Variants in SIPA1L3 observed in about 807,000 individuals in gnomAD.
SIPA1L3 encodes signal-induced proliferation-associated 1-like protein 3.
A neutral mutation model predicts 150.1 loss-of-function variants in SIPA1L3; 59 were observed. The ratio of observed to expected loss-of-function variants is 0.39; its 90% confidence interval spans 0.32 to 0.49. SIPA1L3 has a LOEUF of 0.49. Among genes scored for constraint, SIPA1L3 ranks in the 20% least tolerant of loss-of-function variants. SIPA1L3 has a pLI of 0.86. For missense variants in SIPA1L3, 2,211 were observed against 2,489.5 expected (o/e 0.89, Z 2.38); for synonymous variants, 1,070 against 1,077.6 (o/e 0.99, Z 0.14).
intron 2 of SIPA1L3, among the ~76,000 whole-genome samples, chr19:38,034,291 A>G (rs1599932734): frequency 6.6e-6 from 1 of 151,882 alleles, no homozygotes; most frequent in Non-Finnish European, 1.5e-5. Context: ...ATGGGTGCTG[A>G]CTCTGTGCCA....
intron 1 of SIPA1L3, among the ~76,000 whole-genome samples, chr19:37,913,907 C>T (rs368887937): frequency 2.0e-5 from 3 of 150,222 alleles, no homozygotes; most frequent in Non-Finnish European, 3.0e-5. Context: ...CCCAGTTACT[C>T]GGGAGGCTGA....
rs374520821 is a variant in SIPA1L3 at position 38,142,719 on chromosome 19, C to T, written c.3533+9C>T. 80 of 1,609,166 alleles carry T rather than the reference C, an allele frequency of 5.0e-5. No individual in the cohort carries two copies. Among genetic ancestry groups the T allele is most frequent in the Non-Finnish European group, 6.6e-5 (78 of 1,176,680 alleles). ...AAGCCATCCCCAGAAAGGTCAGCCT[C>T]CCTCAATTCTTTTCATGTTAAGGGA... On this transcript the variant is annotated intron_variant, in intron 12 of 21. Transcript: ENST00000222345.
chr19:38,135,654 G>A (rs939532098), intron 10 of SIPA1L3, among the ~76,000 whole-genome samples: 4 of 152,182 alleles, frequency 2.6e-5, no homozygotes, highest in African/African-American at 9.7e-5. Flanking sequence ...AGACAGAGGA[G>A]TTCTTCTCCC....
At chr19:38,027,901 C>T (rs925547470) in intron 1 of SIPA1L3, among the ~76,000 whole-genome samples, 2 of 152,084 alleles carry the variant, frequency 1.3e-5, no homozygotes, top group African/African-American at 2.4e-5. Context: ...GTTTCCTCAT[C>T]TGTAACATGA....
At chr19:38,083,712 C>T (rs559777741) in intron 3 of SIPA1L3, among the ~76,000 whole-genome samples, 6 of 152,114 alleles carry the variant, frequency 3.9e-5, no homozygotes, top group Non-Finnish European at 8.8e-5. Context: ...TTGGAACTGC[C>T]CGGCGCAGTG....
intron 8 of SIPA1L3, among the ~76,000 whole-genome samples, chr19:38,113,606 CA>C (rs539664508): frequency 2.9e-4 from 42 of 143,006 alleles, no homozygotes; most frequent in East Asian, 4.1e-4. Flanking sequence ...AAGACTCTCT[CA>C]AAAAAAAAAA....
At chr19:38,157,490 C>CCACCCACAACCCCT (rs1478624894) in intron 13 of SIPA1L3, among the ~76,000 whole-genome samples, 1 of 152,210 alleles carries the variant, frequency 6.6e-6, no homozygotes, top group African/African-American at 2.4e-5. Flanking sequence ...TCCATAAGCT[C>CCACCCACAACCCCT]CACCCACAAC....
At chr19:38,108,504 G>A (rs1443806920) in intron 7 of SIPA1L3, 1 of 152,196 alleles carries the variant, frequency 6.6e-6, no homozygotes, top group East Asian at 1.9e-4. Context: ...CTGCTTTAGC[G>A]ATTTGATTTA....
At chr19:38,192,002 C>T in intron 16 of SIPA1L3, 143 bp from the exon 17 acceptor site, 1 of 700,858 alleles carries the variant, frequency 1.4e-6, no homozygotes, top group Non-Finnish European at 2.3e-6. Context: ...AGCCAAGCCC[C>T]TCTCTGCCAC....
chr19:38,021,530 AGAT>A (rs1310214006), intron 1 of SIPA1L3, among the ~76,000 whole-genome samples: 1 of 150,624 alleles, frequency 6.6e-6, no homozygotes, highest in Non-Finnish European at 1.5e-5. Context: ...AATGACTGTT[AGAT>A]GAGTCTGATC....
At chr19:38,168,764 G>A (rs1047509392) in intron 15 of SIPA1L3, among the ~76,000 whole-genome samples, 26 of 152,182 alleles carry the variant, frequency 1.7e-4, no homozygotes, top group Non-Finnish European at 4.4e-5. Flanking sequence ...CAATGAAATG[G>A]GAGAGGAGCC....
intron 1 of SIPA1L3, among the ~76,000 whole-genome samples, chr19:38,010,523 C>T (rs1036632965): frequency 6.6e-6 from 1 of 151,900 alleles, no homozygotes; most frequent in African/African-American, 2.4e-5. Flanking sequence ...CCAGCCTGGC[C>T]AACATGGCGA....
chr19:38,108,187 G>A (rs370281955), intron 7 of SIPA1L3, among the ~76,000 whole-genome samples: 14 of 152,082 alleles, frequency 9.2e-5, no homozygotes, highest in East Asian at 5.8e-4. Flanking sequence ...TGCGGCAACC[G>A]GAGCGTGACA....
Position 38,182,600 on chromosome 19 carries a change from C to T in SIPA1L3, c.4290C>T (p.Ala1430=). Residue 1430 remains alanine (A), a synonymous_variant, in exon 16 of 22, where the codon GCC becomes GCT. Coordinates refer to ENST00000222345, the MANE Select transcript of SIPA1L3 (RefSeq NM_015073.3). ...AGACTCCTCGGCCCTCCCAGCTGGC[C>T]CAGCCCAGCCCCTTTCAGCTCTCCG... ...SAETPRPSQL[A]QPSPFQLSAS... 6.2e-7 allele frequency: 1 copy of T among 1,614,178 alleles called. No homozygotes were observed. The highest frequency in any genetic ancestry group is 8.5e-7 in the Non-Finnish European group (1 of 1,180,024).
intron 13 of SIPA1L3, among the ~76,000 whole-genome samples, chr19:38,156,544 G>A (rs1047228044): frequency 1.3e-5 from 2 of 148,428 alleles, no homozygotes; most frequent in Non-Finnish European, 3.0e-5. Flanking sequence ...TCATCATGAG[G>A]CTGGGCGCAG....
chr19:38,010,893 A>C (rs1011686832), intron 1 of SIPA1L3, among the ~76,000 whole-genome samples: 1 of 152,182 alleles, frequency 6.6e-6, no homozygotes, highest in Non-Finnish European at 1.5e-5. Flanking sequence ...GTGAGTATTC[A>C]TCAAGATTGT....
intron 10 of SIPA1L3, among the ~76,000 whole-genome samples, chr19:38,134,765 C>T (rs986817410): frequency 1.2e-4 from 18 of 148,536 alleles, no homozygotes; most frequent in African/African-American, 2.7e-4. Flanking sequence ...CTATAGGAGG[C>T]GCTCGAGAGA....
intron 1 of SIPA1L3, among the ~76,000 whole-genome samples, chr19:37,919,727 T>TG (rs2046442240): frequency 6.8e-6 from 1 of 146,962 alleles, no homozygotes; most frequent in South Asian, 2.2e-4. Flanking sequence ...TTTTTTTTTT[T>TG]GAGACAGAGT....
At chr19:38,131,522 G>A (rs7253633) in intron 10 of SIPA1L3, 61,640 of 153,554 alleles carry the variant, frequency 0.4, 12,757 homozygotes, top group East Asian at 0.62. Context: ...GAGGTGACCA[G>A]GCAGGCGGTG....
Sources: allele counts gnomAD v4.1 joint callset (sites outside exome capture counted in the v4.1 genomes callset), GRCh38; gene constraint gnomAD v4.1.1; transcripts MANE v1.5; gene names NCBI Gene and HGNC (gene_info 2026-07-23, HGNC 2026-07-21).